The following PIK3C2G variants were observed in gnomAD, a reference collection of about 807,000 sequenced individuals.
PIK3C2G encodes the protein phosphatidylinositol 3-kinase C2 domain-containing subunit gamma.
In PIK3C2G, 168 loss-of-function variants were observed where a neutral mutation model predicts 181.1. The observed-to-expected ratio is 0.93, with a 90% CI of 0.82 to 1.05. The LOEUF (loss-of-function observed/expected upper bound fraction) is 1.05, where lower values mean the gene tolerates loss of function less well. Among genes scored for constraint, PIK3C2G ranks in the 50% least tolerant of loss-of-function variants. The pLI is 0.00. For missense variants in PIK3C2G, 1,869 were observed against 1,732.8 expected (o/e 1.08, Z -1.40); for synonymous variants, 573 against 592.2 (o/e 0.97, Z 0.47).
At chr12:18,601,604 G>C (rs903477107) in intron 30 of PIK3C2G, among the ~76,000 whole-genome samples, 1 of 152,096 alleles carries the variant, frequency 6.6e-6, no homozygotes, top group African/African-American at 2.4e-5. Context: ...TGTTAATGAT[G>C]AATCTGTAAA....
At chr12:18,573,217 TAA>T (rs1482610992) in intron 29 of PIK3C2G, among the ~76,000 whole-genome samples, 4 of 152,168 alleles carry the variant, frequency 2.6e-5, no homozygotes, top group African/African-American at 9.7e-5. Flanking sequence ...GGAAAAGAAT[TAA>T]ATATAGGGAC....
chr12:18,440,775 C>T (rs761887660), intron 18 of PIK3C2G, among the ~76,000 whole-genome samples: 7 of 151,988 alleles, frequency 4.6e-5, no homozygotes, highest in Non-Finnish European at 8.8e-5. Context: ...AGAATATTAG[C>T]TTTAATCCAA....
intron 15 of PIK3C2G, among the ~76,000 whole-genome samples, chr12:18,399,149 C>G (rs1944080026): frequency 6.8e-6 from 1 of 146,570 alleles, no homozygotes; most frequent in Non-Finnish European, 1.5e-5. Context: ...GAGCCGAGAT[C>G]CCGCCACTGC....
At chr12:18,606,751 G>C (rs1306301770) in intron 30 of PIK3C2G, among the ~76,000 whole-genome samples, 1 of 151,812 alleles carries the variant, frequency 6.6e-6, no homozygotes, top group Non-Finnish European at 1.5e-5. Flanking sequence ...GATGACCATT[G>C]ACAAATTCTT....
chr12:18,592,688 T>C (rs1306852003), intron 29 of PIK3C2G, among the ~76,000 whole-genome samples: 1 of 151,990 alleles, frequency 6.6e-6, no homozygotes, highest in African/African-American at 2.4e-5. Context: ...ATTCGATTTA[T>C]GTGTGAGTAT....
the PIK3C2G span, among the ~76,000 whole-genome samples, chr12:18,689,786 T>A: frequency 6.6e-6 from 1 of 152,040 alleles, no homozygotes; most frequent in Non-Finnish European, 1.5e-5. Context: ...TGACGAAGAG[T>A]AAAGCAGCAA....
chr12:18,279,466 G>A (rs1949123057), intron 1 of PIK3C2G, among the ~76,000 whole-genome samples: 1 of 151,748 alleles, frequency 6.6e-6, no homozygotes, highest in Non-Finnish European at 1.5e-5. Flanking sequence ...ACCTTCCTGT[G>A]GCTCCATAAA....
chr12:18,332,893 C>T (rs1938129095), intron 8 of PIK3C2G, among the ~76,000 whole-genome samples: 1 of 152,130 alleles, frequency 6.6e-6, no homozygotes, highest in Non-Finnish European at 1.5e-5. Context: ...GTTTCCTGCA[C>T]AGCCTTCAGT....
At chr12:18,481,737 A>G (rs2136022358) in intron 18 of PIK3C2G, among the ~76,000 whole-genome samples, 1 of 152,266 alleles carries the variant, frequency 6.6e-6, no homozygotes, top group Non-Finnish European at 1.5e-5. Context: ...TAAGTGGTGG[A>G]GAGGGAATAA....
intron 8 of PIK3C2G, among the ~76,000 whole-genome samples, chr12:18,333,182 T>G (rs2137553281): frequency 6.6e-6 from 1 of 152,326 alleles, no homozygotes. Flanking sequence ...ACTTGGTCAC[T>G]TTATGACCTT....
At position 18,275,931 on chromosome 12, in the gene PIK3C2G, T is replaced by G. The variant is rs933227012; in HGVS notation, c.-78-6073T>G. On this transcript the variant is annotated intron_variant, in intron 1 of 32. Coordinates refer to ENST00000538779, the MANE Select transcript of PIK3C2G (RefSeq NM_001288772.2). ...GCTCACAGTTGTAATGTAAAAAAAT[T>G]TATCTGAGCAGCAAATAAATTATTG... Among the ~76,000 whole-genome samples, 10 of 152,160 alleles carry G rather than the reference T, an allele frequency of 6.6e-5. 1 individual carries two copies. The highest frequency in any genetic ancestry group is 1.2e-4 in the Non-Finnish European group (8 of 68,026).
intron 26 of PIK3C2G, among the ~76,000 whole-genome samples, chr12:18,562,200 C>A (rs1945382099): frequency 3.9e-5 from 6 of 152,186 alleles, no homozygotes; most frequent in Admixed American, 2.6e-4. Flanking sequence ...CGCAGGATCT[C>A]GGCTCATTGC....
chr12:18,305,265 C>T (rs2137329752), intron 5 of PIK3C2G, among the ~76,000 whole-genome samples: 1 of 152,184 alleles, frequency 6.6e-6, no homozygotes, highest in African/African-American at 2.4e-5. Context: ...AAAGAAAGAC[C>T]TTGTGCTAAA....
At chr12:18,269,904 T>C (rs557893503) in intron 1 of PIK3C2G, among the ~76,000 whole-genome samples, 28 of 114,936 alleles carry the variant, frequency 2.4e-4, no homozygotes, top group Non-Finnish European at 3.8e-4. Context: ...TTTCTTTTTT[T>C]TTCTTTTCTT....
chr12:18,559,821 T>TAGAGAGAG lies in PIK3C2G; in HGVS notation c.3591-2844_3591-2837dup, dbSNP rs1171468138. Reference sequence around the variant, plus strand: ...ATATATATATATATATATATATATATAGAGAGAGAGAGAGAGAGAGAGAGA... The same window carrying TAGAGAGAG: ...ATATATATATATATATATATATATATAGAGAGAGAGAGAGAGAGAGAGAGAGAGAGAGA... On this transcript the variant is annotated intron_variant, in intron 26 of 32. Transcript: ENST00000538779. Among the ~76,000 whole-genome samples the TAGAGAGAG allele has an allele frequency of 6.9e-3, 126 of 18,368 alleles. 11 individuals are homozygous for TAGAGAGAG. Among genetic ancestry groups the TAGAGAGAG allele is most frequent in the South Asian group, 0.014 (4 of 280 alleles). The allele number at this position is 18,368 out of a possible 152,430, so 12.1% of individuals were successfully genotyped here.
At chr12:18,243,851 G>A (rs9634061), upstream of PIK3C2G, among the ~76,000 whole-genome samples, 65,259 of 151,576 alleles carry the variant, frequency 0.43, 14,593 homozygotes, top group East Asian at 0.75. Context: ...AAAAACAGAA[G>A]ACTTTTTAAA....
At chr12:18,261,227 T>G (rs539241386), upstream of PIK3C2G, among the ~76,000 whole-genome samples, 71 of 152,234 alleles carry the variant, frequency 4.7e-4, no homozygotes, top group African/African-American at 1.6e-3. Context: ...AGGGGAAATA[T>G]GCCCACCTTA....
At chr12:18,637,222 AAAGATT>A (rs1565587004) in intron 31 of PIK3C2G, among the ~76,000 whole-genome samples, 1 of 152,128 alleles carries the variant, frequency 6.6e-6, no homozygotes, top group Non-Finnish European at 1.5e-5. Flanking sequence ...CCCTTTGAAT[AAAGATT>A]AACAGTATAA....
At chr12:18,373,455 G>A (rs1942213555) in intron 13 of PIK3C2G, among the ~76,000 whole-genome samples, 1 of 152,172 alleles carries the variant, frequency 6.6e-6, no homozygotes, top group Non-Finnish European at 1.5e-5. Flanking sequence ...AACCAATGGT[G>A]ATTAAACTCA....
Sources: gnomAD v4.1 joint callset for allele counts (sites outside exome capture counted in the v4.1 genomes callset) on GRCh38, gnomAD v4.1.1 for gene constraint, MANE v1.5 for transcripts, NCBI Gene and HGNC (gene_info 2026-07-23, HGNC 2026-07-21) for gene names.